The following PDLIM7 variants were observed in gnomAD, a reference collection of about 807,000 sequenced individuals.
The protein encoded by PDLIM7 is PDZ and LIM domain protein 7.
A neutral mutation model predicts 53.9 loss-of-function variants in PDLIM7; 37 were observed. The ratio of observed to expected loss-of-function variants is 0.69; its 90% confidence interval spans 0.53 to 0.90. The LOEUF is 0.90. Among genes scored for constraint, PDLIM7 ranks in the 40% least tolerant of loss-of-function variants. The pLI is 0.00. For synonymous variants in PDLIM7, 300 were observed against 261.3 expected, an observed-to-expected ratio of 1.15 and a Z score of -1.43; for missense variants, 617 against 638.5, an observed-to-expected ratio of 0.97 and a Z score of 0.36.
At chr5:177,495,553 A>G (rs999068047) in intron 2 of PDLIM7, among the ~76,000 whole-genome samples, 2 of 152,196 alleles carry the variant, frequency 1.3e-5, no homozygotes, top group African/African-American at 4.8e-5. Flanking sequence ...CAACTGGACC[A>G]TATAGCTGGA....
chr5:177,489,554 CG>C lies in PDLIM7; in HGVS notation c.707del (p.Pro236ArgfsTer8). ...GGGTCAGCACTGTGCTCGTTTTGTCCGGGGCATAGCGCTCGGCAAACGCAGG... is the reference window on the plus strand; with the variant it reads ...GGGTCAGCACTGTGCTCGTTTTGTCCGGGCATAGCGCTCGGCAAACGCAGG... ...VDPAFAERYA[P>X]DKTSTVLTRH... On this transcript the variant is annotated frameshift_variant, in exon 9 of 13. Coordinates refer to ENST00000355841, the MANE Select transcript of PDLIM7 (RefSeq NM_005451.5). LOFTEE classifies it high-confidence loss of function. The C allele has an allele frequency of 6.2e-7, 1 of 1,610,660 alleles. No homozygotes were observed. Among genetic ancestry groups the C allele is most frequent in the Admixed American group, 1.7e-5 (1 of 59,734 alleles).
Position 177,487,227 on chromosome 5 carries a change from G to A in PDLIM7, c.1050+841C>T, listed in dbSNP as rs147291427. Among the ~76,000 whole-genome samples, 964 of 152,064 alleles carry A rather than the reference G, an allele frequency of 6.3e-3. 6 individuals carry two copies. Among genetic ancestry groups the A allele is most frequent in the South Asian group, 0.014 (65 of 4,800 alleles). ...GGATACAAGCATCAGCCACTGCATC[G>A]GCCACTCTCCCATTCTTGCCGACTG... On this transcript the variant is annotated intron_variant, in intron 10 of 12. Coordinates refer to ENST00000355841, the MANE Select transcript of PDLIM7 (RefSeq NM_005451.5).
At chr5:177,490,311 G>C in intron 7 of PDLIM7, 1 of 1,445,672 alleles carries the variant, frequency 6.9e-7, no homozygotes, top group Non-Finnish European at 9.0e-7. Context: ...GTACCACAGG[G>C]CAAAGAGGGA....
chr5:177,490,468 G>A (rs1208907187), intron 7 of PDLIM7: 5 of 1,544,088 alleles, frequency 3.2e-6, no homozygotes, highest in Non-Finnish European at 4.4e-6. Context: ...GAGGGAGGCA[G>A]AGAGGGCAGC....
At chr5:177,489,255 C>T in intron 9 of PDLIM7, 138 bp downstream of exon 9, 3 of 690,574 alleles carry the variant, frequency 4.3e-6, no homozygotes, top group Non-Finnish European at 7.3e-6. Context: ...GGACCCAGCC[C>T]AGGTCCCTAC....
At position 177,483,639 on chromosome 5, in the gene PDLIM7, G is replaced by A. The variant is rs964896299; in HGVS notation, c.*5C>T. On this transcript the variant is annotated 3_prime_UTR_variant, in exon 13 of 13. Transcript: ENST00000355841. ...GCCACCGCGGCAGCTGTGGGCAGAA[G>A]GGGCTCACACATGAGAGAAGGCATG... The A allele has an allele frequency of 4.4e-6, 7 of 1,600,028 alleles. No homozygotes were observed. The highest frequency in any genetic ancestry group is 4.5e-5 in the East Asian group (2 of 44,496).
chr5:177,489,671 A>C, intron 8 of PDLIM7, 44 bp from the exon 9 acceptor site: 2 of 1,513,744 alleles, frequency 1.3e-6, no homozygotes, highest in Non-Finnish European at 1.8e-6. Context: ...GGGACCCCAA[A>C]GGACGGGGGT....
Position 177,483,441 on chromosome 5 carries a change from G to A in PDLIM7, c.*203C>T, listed in dbSNP as rs1056995832. The stretch of plus-strand genomic sequence containing the variant: ...GTGGCACTGGAGGTGAAAGGGGGCT[G>A]GTGTGGCCAGCACCGGTGTGCTGTG... On this transcript the variant is annotated 3_prime_UTR_variant, in exon 13 of 13. Transcript: ENST00000355841. The A allele has an allele frequency of 3.6e-6, 2 of 549,970 alleles. No individual in the cohort carries two copies. Among genetic ancestry groups the A allele is most frequent in the Non-Finnish European group, 6.5e-6 (2 of 309,064 alleles). The allele number at this position is 549,970 out of a possible 1,614,324, so 34.1% of individuals were successfully genotyped here. A position where few individuals can be genotyped will look rare whatever the true frequency, so the allele number is the denominator to read the frequency against.
chr5:177,489,334 C>T (rs964528904), intron 9 of PDLIM7, 59 bp downstream of exon 9: 21 of 1,299,278 alleles, frequency 1.6e-5, no homozygotes, highest in Non-Finnish European at 5.3e-6. Context: ...GGTGGGCAGA[C>T]AGGTGGGGCT....
intron 1 of PDLIM7, among the ~76,000 whole-genome samples, chr5:177,497,238 C>T (rs186256412): frequency 7.2e-4 from 110 of 152,110 alleles, no homozygotes; most frequent in African/African-American, 2.5e-3. Context: ...GGGGGTGGTG[C>T]CTCCCACACA....
intron 10 of PDLIM7, among the ~76,000 whole-genome samples, chr5:177,486,153 A>T (rs1315938499): frequency 1.3e-5 from 2 of 151,916 alleles, no homozygotes; most frequent in Admixed American, 1.3e-4. Flanking sequence ...TCCTGGGCTC[A>T]AGCAATCCTC....
In PDLIM7 at chr5:177,484,123, G is replaced by C. The variant is rs750853314; in HGVS notation, c.1118C>G (p.Pro373Arg). The C allele has an allele frequency of 1.2e-6, 2 of 1,614,038 alleles. No individual in the cohort carries two copies. Among genetic ancestry groups the C allele is most frequent in the Non-Finnish European group, 1.7e-6 (2 of 1,180,014 alleles). Residue 373 changes from proline (P) to arginine (R), a missense_variant, in exon 11 of 13, where the codon CCC (proline) becomes CGC (arginine). Transcript: ENST00000355841. ...HCFTCAACKT[P>R]IRNRAFYMEE... ...CATGTAGAAGGCCCTGTTCCGGATG[G>C]GCGTCTTGCAGGCAGCACAGGTAAA...
At chr5:177,492,077 C>T (rs1758826127) in intron 4 of PDLIM7, 152 bp from the exon 5 acceptor site, 3 of 396,078 alleles carry the variant, frequency 7.6e-6, no homozygotes, top group East Asian at 8.7e-5. Flanking sequence ...GGGGAGAGGA[C>T]GACTCAGGTT....
At chr5:177,496,699 C>A in intron 1 of PDLIM7, 176 bp from the exon 2 acceptor site, 1 of 430,014 alleles carries the variant, frequency 2.3e-6, no homozygotes, top group South Asian at 4.1e-5. Flanking sequence ...TGCTGGCTGG[C>A]GGACCTCACT....
chr5:177,492,182 G>A, intron 4 of PDLIM7: 1 of 636,872 alleles, frequency 1.6e-6, no homozygotes, highest in Non-Finnish European at 2.7e-6. Context: ...GCGGGAGGCA[G>A]CAGGCGGACA....
chr5:177,491,260 G>T, intron 5 of PDLIM7, 114 bp from the exon 6 acceptor site: 1 of 1,440,224 alleles, frequency 6.9e-7, no homozygotes, highest in Non-Finnish European at 9.5e-7. Context: ...GAGTGGGTAA[G>T]GGTGAGGCCA....
At chr5:177,484,280 T>C (rs1758327308) in intron 10 of PDLIM7, 90 bp from the exon 11 acceptor site, 2 of 1,519,124 alleles carry the variant, frequency 1.3e-6, no homozygotes, top group Non-Finnish European at 1.8e-6. Context: ...CCGCAAGCCC[T>C]GTTCCTTCTC....
intron 2 of PDLIM7, among the ~76,000 whole-genome samples, chr5:177,494,527 G>A (rs1212538963): frequency 3.6e-5 from 5 of 140,840 alleles, no homozygotes; most frequent in Admixed American, 2.9e-4. Context: ...CGAGGTGGGG[G>A]TCTTGGGGTG....
At chr5:177,494,781 G>C (rs987741936) in intron 2 of PDLIM7, among the ~76,000 whole-genome samples, 1 of 152,084 alleles carries the variant, frequency 6.6e-6, no homozygotes, top group African/African-American at 2.4e-5. Context: ...TGAGGTGGGG[G>C]TGAGTCAGCC....
Sources: allele counts gnomAD v4.1 joint callset (sites outside exome capture counted in the v4.1 genomes callset), GRCh38; gene constraint gnomAD v4.1.1; transcripts MANE v1.5; gene names NCBI Gene and HGNC (gene_info 2026-07-23, HGNC 2026-07-21).